SWAP70: variants seen among roughly 807,000 people sequenced by gnomAD.
SWAP70 encodes the protein switching B cell complex subunit SWAP70, also known as switch-associated protein 70.
In SWAP70, 34 loss-of-function variants were observed where a neutral mutation model predicts 80.2. The ratio of observed to expected loss-of-function variants is 0.42; its 90% CI spans 0.32 to 0.56. SWAP70 has a LOEUF of 0.56. SWAP70 is among the 20% of genes least tolerant of loss of function. SWAP70 has a pLI of 0.09. For missense variants in SWAP70, 578 were observed against 690.7 expected, an observed-to-expected ratio of 0.84 and a Z score of 1.83; for synonymous variants, 239 against 238.5, an observed-to-expected ratio of 1.00 and a Z score of -0.02.
chr11:9,709,579 T>C (rs1850968396), intron 2 of SWAP70, among the ~76,000 whole-genome samples: 2 of 152,128 alleles, frequency 1.3e-5, no homozygotes, highest in South Asian at 4.1e-4. Context: ...GGCTGGCATG[T>C]AGTAGTGCGA....
At chr11:9,709,403 A>G (rs952074425) in intron 2 of SWAP70, among the ~76,000 whole-genome samples, 1 of 152,234 alleles carries the variant, frequency 6.6e-6, no homozygotes. Flanking sequence ...CATTGGAATT[A>G]TAGGCCTGAG....
chr11:9,740,479 TC>T, intron 9 of SWAP70, 132 bp downstream of exon 9: 1 of 928,370 alleles, frequency 1.1e-6, no homozygotes, highest in Non-Finnish European at 1.7e-6. Flanking sequence ...CGAGGTGCTG[TC>T]CAGATTAGAA....
intron 8 of SWAP70, among the ~76,000 whole-genome samples, chr11:9,739,236 T>C (rs568436758): frequency 5.9e-5 from 9 of 152,346 alleles, no homozygotes; most frequent in South Asian, 2.1e-4. Context: ...TCTTCTCACA[T>C]TGAGTGATAC....
At chr11:9,667,453 T>C (rs569839580) in intron 1 of SWAP70, among the ~76,000 whole-genome samples, 2 of 152,134 alleles carry the variant, frequency 1.3e-5, no homozygotes, top group East Asian at 3.9e-4. Context: ...GGTTTTGTCA[T>C]GTTGTCCAGG....
chr11:9,669,321 C>T (rs939315324), intron 1 of SWAP70, among the ~76,000 whole-genome samples: 2 of 152,132 alleles, frequency 1.3e-5, no homozygotes, highest in African/African-American at 2.4e-5. Flanking sequence ...CCTCCACCTC[C>T]CTGGTTCAAG....
rs187446079 is a variant in SWAP70, at chr11:9,669,522, G to A, written c.99+5244G>A. Among the ~76,000 whole-genome samples the A allele has an allele frequency of 2.6e-4, 40 of 152,228 alleles. No homozygotes were observed. In the East Asian group the frequency reaches 6.4e-3, roughly 24 times the overall value. ...TGGGATTATGGGCATGAGCGACCAC[G>A]CCCAGCCTAATTTATTTATTTAATG... On this transcript the variant is annotated intron_variant, in intron 1 of 11. Coordinates refer to ENST00000318950, the MANE Select transcript of SWAP70 (RefSeq NM_015055.4).
intron 6 of SWAP70, 74 bp downstream of exon 6, chr11:9,729,525 G>T: frequency 1.8e-6 from 2 of 1,136,108 alleles, no homozygotes; most frequent in Non-Finnish European, 1.3e-6. Flanking sequence ...CTGAGACGGA[G>T]TCTTGCTCTG....
chr11:9,736,125 T>C (rs1851360186), intron 7 of SWAP70, among the ~76,000 whole-genome samples: 1 of 152,164 alleles, frequency 6.6e-6, no homozygotes, highest in African/African-American at 2.4e-5. Flanking sequence ...AGCCCAAATA[T>C]ACTGTTGAGT....
chr11:9,734,670 C>T (rs557098744), intron 7 of SWAP70, among the ~76,000 whole-genome samples: 9 of 152,192 alleles, frequency 5.9e-5, no homozygotes, highest in South Asian at 4.1e-4. Flanking sequence ...GACAGGGTCC[C>T]GCTCTGTTGT....
At chr11:9,742,160 C>T (rs896042252) in intron 9 of SWAP70, among the ~76,000 whole-genome samples, 1 of 152,062 alleles carries the variant, frequency 6.6e-6, no homozygotes, top group Non-Finnish European at 1.5e-5. Context: ...TGGTTTCAAC[C>T]TTTTGAATCC....
chr11:9,736,638 C>T (rs1366291373), intron 7 of SWAP70, among the ~76,000 whole-genome samples: 2 of 152,092 alleles, frequency 1.3e-5, no homozygotes, highest in East Asian at 1.9e-4. Context: ...GGAACACAGT[C>T]ACCCTGCGAA....
intron 3 of SWAP70, among the ~76,000 whole-genome samples, chr11:9,717,109 G>A (rs1413903246): frequency 6.6e-6 from 1 of 152,168 alleles, no homozygotes; most frequent in Non-Finnish European, 1.5e-5. Context: ...CAAGGAGAAG[G>A]CAGTTTCGCT....
At chr11:9,705,626 CTGGTGATCTGTATACACT>C (rs1850897822) in intron 2 of SWAP70, among the ~76,000 whole-genome samples, 1 of 140,692 alleles carries the variant, frequency 7.1e-6, no homozygotes, top group Non-Finnish European at 1.5e-5. Context: ...TCTGTATACA[CTGGTGATCTGTATACACT>C]TGGTGATCTG....
chr11:9,741,597 C>A (rs112760960), intron 9 of SWAP70: 5 of 152,060 alleles, frequency 3.3e-5, no homozygotes, highest in South Asian at 2.1e-4. Context: ...GCAAAGAATT[C>A]GCAGGTGAAA....
intron 10 of SWAP70, among the ~76,000 whole-genome samples, chr11:9,748,535 C>G (rs570734937): frequency 6.6e-6 from 1 of 152,212 alleles, no homozygotes; most frequent in Non-Finnish European, 1.5e-5. Context: ...GGGAGGCCAC[C>G]GGCAAAAGCT....
chr11:9,709,900 G>A (rs150877680), intron 2 of SWAP70, among the ~76,000 whole-genome samples: 115 of 152,326 alleles, frequency 7.5e-4, no homozygotes, highest in African/African-American at 2.7e-3. Flanking sequence ...AATGTAAAAT[G>A]TATTATGTGC....
chr11:9,711,146 T>A (rs1850992982), intron 2 of SWAP70, among the ~76,000 whole-genome samples: 1 of 152,114 alleles, frequency 6.6e-6, no homozygotes, highest in Admixed American at 6.6e-5. Context: ...GGTCTCAAAC[T>A]TCTAGCCTTA....
At chr11:9,699,317 A>G (rs531643618) in intron 2 of SWAP70, among the ~76,000 whole-genome samples, 7 of 152,324 alleles carry the variant, frequency 4.6e-5, no homozygotes, top group Non-Finnish European at 1.0e-4. Flanking sequence ...TGTGAATTAT[A>G]TCTCAATAAA....
At position 9,733,934 on chromosome 11, in the gene SWAP70, G is replaced by A. The variant is rs998394912; in HGVS notation, c.1080+1224G>A. On this transcript the variant is annotated intron_variant, in intron 7 of 11. Transcript: ENST00000318950. ...GAATACCCATGAAAATACTACCCAG[G>A]TTAAGATAGATTATTGCCAATACAG... 3.9e-5 allele frequency among the ~76,000 whole-genome samples: 6 copies of A among 152,122 alleles called. No homozygotes were observed. In the East Asian group the frequency reaches 1.2e-3, roughly 29 times the overall value.
Sources: gnomAD v4.1 joint callset for allele counts (sites outside exome capture counted in the v4.1 genomes callset) on GRCh38, gnomAD v4.1.1 for gene constraint, MANE v1.5 for transcripts, NCBI Gene and HGNC (gene_info 2026-07-23, HGNC 2026-07-21) for gene names.